Variants in CEP164 observed in about 807,000 individuals in gnomAD.
CEP164 encodes the protein centrosomal protein of 164 kDa.
CEP164 carries 162 observed loss-of-function variants against 182.7 expected under a neutral mutation model. The observed-to-expected ratio is 0.89, with a 90% confidence interval of 0.78 to 1.01. The LOEUF (loss-of-function observed/expected upper bound fraction) is 1.01, where lower values mean the gene tolerates loss of function less well. Among genes scored for constraint, CEP164 ranks in the 50% least tolerant of loss-of-function variants. CEP164 has a pLI of 0.00. For missense variants in CEP164, 1,735 were observed against 1,790.4 expected, an observed-to-expected ratio of 0.97 and a Z score of 0.56; for synonymous variants, 661 against 690.0, an observed-to-expected ratio of 0.96 and a Z score of 0.66.
chr11:117,334,607 G>A (rs2036742412), intron 1 of CEP164, among the ~76,000 whole-genome samples: 1 of 152,024 alleles, frequency 6.6e-6, no homozygotes, highest in Non-Finnish European at 1.5e-5. Context: ...CCAATGTGGT[G>A]AAATCTAATC....
At chr11:117,389,012 C>CTTAG (rs1400827505) in intron 15 of CEP164, among the ~76,000 whole-genome samples, 14 of 152,048 alleles carry the variant, frequency 9.2e-5, no homozygotes, top group Admixed American at 2.6e-4. Flanking sequence ...CCTGATGATC[C>CTTAG]GCCTGCCTCG....
intron 1 of CEP164, among the ~76,000 whole-genome samples, chr11:117,330,439 G>T (rs893661457): frequency 5.9e-5 from 9 of 152,264 alleles, no homozygotes; most frequent in Non-Finnish European, 8.8e-5. Context: ...GATCACCTGA[G>T]GTCAGGAGTT....
rs146053426 is a variant in CEP164, at chr11:117,391,138, G to A, written c.2206G>A (p.Glu736Lys). The A allele has an allele frequency of 3.6e-4, 579 of 1,613,764 alleles. No homozygotes were observed. The highest frequency in any genetic ancestry group is 4.5e-4 in the Non-Finnish European group (527 of 1,179,968). Reference protein sequence around the residue: ...KEEIEASEKSEQAALNAAKEK... With the variant: ...KEEIEASEKSKQAALNAAKEK... ...AGAGATAGAGGCTTCGGAGAAGAGC[G>A]AGCAGGCTGCCCTGAATGCTGCAAA... The change falls in exon 17 of 33, where the codon GAG becomes AAG. Residue 736 changes from glutamate to lysine, a missense_variant. Physicochemically the swap from Glu to Lys is moderately conservative, Grantham distance 56 (BLOSUM62 1). Coordinates refer to ENST00000278935, the MANE Select transcript of CEP164 (RefSeq NM_014956.5).
At position 117,387,415 on chromosome 11, in the gene CEP164, C is replaced by T. The variant is rs369584565; in HGVS notation, c.1934+3C>T. ...CAGCAGAAAGAGCAATCTCTCAGGT[C>T]CTGCCCTTCCCCTTAGGCATGCTTC... On this transcript the variant is annotated splice_donor_region_variant and intron_variant, in intron 15 of 32. Coordinates refer to ENST00000278935, the MANE Select transcript of CEP164 (RefSeq NM_014956.5). The T allele has an allele frequency of 1.5e-4, 235 of 1,613,664 alleles. No individual in the cohort carries two copies. Among genetic ancestry groups the T allele is most frequent in the Non-Finnish European group, 1.9e-4 (229 of 1,179,880 alleles).
chr11:117,405,430 C>T (rs2046565619), intron 27 of CEP164, among the ~76,000 whole-genome samples: 3 of 152,130 alleles, frequency 2.0e-5, no homozygotes, highest in South Asian at 2.1e-4. Flanking sequence ...CCTTGTGCTT[C>T]GTGGGTGAGG....
rs142108558 is a variant in CEP164 at position 117,387,331 on chromosome 11, T to G, written c.1853T>G (p.Met618Arg). 1 of 1,614,068 alleles carries G rather than the reference T, an allele frequency of 6.2e-7. No individual in the cohort carries two copies. The highest frequency in any genetic ancestry group is 1.3e-5 in the African/African-American group (1 of 74,936). Residue 618 changes from methionine (M) to arginine (R), a missense_variant, in exon 15 of 33, where the codon ATG becomes AGG. Coordinates refer to ENST00000278935, the MANE Select transcript of CEP164 (RefSeq NM_014956.5). ...RHLLESKQEK[M>R]QQLREKLCQE... is the part of the protein sequence containing the mutation. ...CTGCTGGAATCCAAGCAAGAGAAGATGCAGCAACTGCGGGAGAAGCTGTGC... is the reference window on the plus strand; with the variant it reads ...CTGCTGGAATCCAAGCAAGAGAAGAGGCAGCAACTGCGGGAGAAGCTGTGC...
In CEP164 at chr11:117,344,286, G is replaced by C. The variant is rs925803866; in HGVS notation, c.194+9G>C. 6.9e-6 allele frequency: 11 copies of C among 1,595,146 alleles called. No homozygotes were observed. In the African/African-American group the frequency reaches 1.5e-4, roughly 21 times the overall value. The stretch of plus-strand genomic sequence containing the variant: ...GGAGAGTGGAAACCATGGTAAGTCA[G>C]CAGGGGGTGCGGCCACTGACTTGGC... On this transcript the variant is annotated intron_variant, in intron 4 of 32. Coordinates refer to ENST00000278935, the MANE Select transcript of CEP164 (RefSeq NM_014956.5).
At chr11:117,375,325 C>T (rs905428689) in intron 10 of CEP164, among the ~76,000 whole-genome samples, 1 of 152,138 alleles carries the variant, frequency 6.6e-6, no homozygotes, top group Non-Finnish European at 1.5e-5. Flanking sequence ...TGACCCTGGG[C>T]GAGTTATATG....
chr11:117,376,705 G>C (rs1486585947), intron 11 of CEP164, among the ~76,000 whole-genome samples: 1 of 152,198 alleles, frequency 6.6e-6, no homozygotes, highest in Non-Finnish European at 1.5e-5. Flanking sequence ...GTTCCTCTCA[G>C]CTCTGGCTGA....
chr11:117,355,195 C>G, intron 5 of CEP164: 1 of 1,289,856 alleles, frequency 7.8e-7, no homozygotes, highest in Non-Finnish European at 1.0e-6. Flanking sequence ...TGGAGAAAAT[C>G]TTAGGCAGGG....
chr11:117,374,016 T>C (rs1435495802), intron 10 of CEP164, among the ~76,000 whole-genome samples, 185 bp downstream of exon 10: 1 of 152,120 alleles, frequency 6.6e-6, no homozygotes, highest in Non-Finnish European at 1.5e-5. Flanking sequence ...ATTTTATAGG[T>C]TTGTTGTGAG....
At chr11:117,398,384 C>G (rs1436922860) in intron 27 of CEP164, among the ~76,000 whole-genome samples, 1 of 152,184 alleles carries the variant, frequency 6.6e-6, no homozygotes, top group Non-Finnish European at 1.5e-5. Context: ...ATAGTGCAAG[C>G]TATTGACGGA....
At position 117,356,508 on chromosome 11, in the gene CEP164, A is replaced by T. The variant is rs1193357934; in HGVS notation, c.393+4520A>T. The T allele has an allele frequency of 2.3e-6, 3 of 1,289,138 alleles. No individual in the cohort carries two copies. In the Admixed American group the frequency reaches 6.9e-5, roughly 30 times the overall value. The allele number at this position is 1,289,138 out of a possible 1,614,324, so 79.9% of individuals were successfully genotyped here. A position where few individuals can be genotyped will look rare whatever the true frequency, so the allele number is the denominator to read the frequency against. ...GCCCCTGCTTGGCAAGAGGCCTCTC[A>T]GCAAGCCCATTTCCAGCCAAGCAGC... On this transcript the variant is annotated intron_variant, in intron 5 of 32. Transcript: ENST00000278935.
rs201175046 is a variant in CEP164 at position 117,390,823 on chromosome 11, C to T, written c.1981C>T (p.Arg661Trp). 33 of 1,613,572 alleles carry T rather than the reference C, an allele frequency of 2.0e-5. No homozygotes were observed. The highest frequency in any genetic ancestry group is 1.7e-4 in the Middle Eastern group (1 of 6,054). Reference sequence around the variant, plus strand: ...GAAAGCCATTGAGGAGGAGGAGGCCCGGATGAGAGAGGAGGAAAGCCAGAG... The same window carrying T: ...GAAAGCCATTGAGGAGGAGGAGGCCTGGATGAGAGAGGAGGAAAGCCAGAG... ...LQKAIEEEEA[R>W]MREEESQRLS... Residue 661 changes from arginine to tryptophan, a missense_variant, in exon 16 of 33, where the codon CGG (arginine) becomes TGG (tryptophan). Coordinates refer to ENST00000278935, the MANE Select transcript of CEP164 (RefSeq NM_014956.5).
At chr11:117,325,889 G>T (rs1262667985), upstream of CEP164, among the ~76,000 whole-genome samples, 1 of 151,406 alleles carries the variant, frequency 6.6e-6, no homozygotes, top group Admixed American at 6.6e-5. Flanking sequence ...TGCCATAGAG[G>T]CTGGGCAAGT....
At chr11:117,396,726 G>T in intron 26 of CEP164, 115 bp downstream of exon 26, 1 of 879,502 alleles carries the variant, frequency 1.1e-6, no homozygotes, top group East Asian at 2.4e-5. Context: ...CACCAGTGGG[G>T]CTTAGTTCAT....
At chr11:117,384,901 A>T (rs550138550) in intron 14 of CEP164, 3 of 152,338 alleles carry the variant, frequency 2.0e-5, no homozygotes, top group Admixed American at 6.5e-5. Context: ...TAGGTCCAGG[A>T]GGCAACATGT....
At chr11:117,360,505 C>T (rs1411504903) in intron 5 of CEP164, among the ~76,000 whole-genome samples, 3 of 151,798 alleles carry the variant, frequency 2.0e-5, no homozygotes, top group Non-Finnish European at 2.9e-5. Flanking sequence ...TGAGTAGGTG[C>T]GACTACAGGT....
intron 1 of CEP164, among the ~76,000 whole-genome samples, chr11:117,329,327 C>G (rs1001299754): frequency 4.6e-5 from 7 of 152,074 alleles, no homozygotes; most frequent in African/African-American, 1.7e-4. Flanking sequence ...TGTGATGGCC[C>G]CTCATCATTT....
Sources: allele counts gnomAD v4.1 joint callset (sites outside exome capture counted in the v4.1 genomes callset), GRCh38; gene constraint gnomAD v4.1.1; transcripts MANE v1.5; gene names NCBI Gene and HGNC (gene_info 2026-07-23, HGNC 2026-07-21).